The following DAB1 variants were observed in gnomAD, a reference collection of about 807,000 sequenced individuals.
DAB1 encodes the protein disabled homolog 1.
A neutral mutation model predicts 64.6 loss-of-function variants in DAB1; 15 were observed. The observed-to-expected ratio is 0.23, with a 90% CI of 0.16 to 0.36. The LOEUF is 0.36. Among genes scored for constraint, DAB1 ranks in the 10% least tolerant of loss-of-function variants. The pLI is 1.00. For missense variants in DAB1, 596 were observed against 706.7 expected (o/e 0.84, Z 1.78); for synonymous variants, 235 against 251.9 (o/e 0.93, Z 0.64).
chr1:57,157,120 G>T (rs2100868129), intron 2 of DAB1, among the ~76,000 whole-genome samples: 1 of 152,202 alleles, frequency 6.6e-6, no homozygotes, highest in South Asian at 2.1e-4. Flanking sequence ...ACCATTAATG[G>T]CCAAATAAAA....
At chr1:57,645,261 A>G (rs1362836771) in intron 7 of DAB1, among the ~76,000 whole-genome samples, 1 of 152,220 alleles carries the variant, frequency 6.6e-6, no homozygotes, top group African/African-American at 2.4e-5. Context: ...CTACCATGCT[A>G]TCCAGGAAGG....
chr1:57,391,528 T>G (rs1327529883), intron 1 of DAB1, among the ~76,000 whole-genome samples: 1 of 152,168 alleles, frequency 6.6e-6, no homozygotes, highest in Non-Finnish European at 1.5e-5. Flanking sequence ...AGCTTGAATC[T>G]CCAAGAGCAT....
At chr1:57,597,248 G>C (rs7543904) in intron 7 of DAB1, among the ~76,000 whole-genome samples, 27,966 of 152,108 alleles carry the variant, frequency 0.18, 3,383 homozygotes, top group Non-Finnish European at 0.27. Context: ...TTACAAATCT[G>C]CCATCTAATC....
intron 1 of DAB1, among the ~76,000 whole-genome samples, chr1:57,857,408 G>A (rs1441013210): frequency 1.3e-5 from 2 of 152,198 alleles, no homozygotes; most frequent in African/African-American, 4.8e-5. Context: ...AGTAAGCAGA[G>A]ATGATGGTAA....
At chr1:58,538,548 A>G (rs1646554269) in intron 1 of DAB1, among the ~76,000 whole-genome samples, 1 of 152,202 alleles carries the variant, frequency 6.6e-6, no homozygotes, top group South Asian at 2.1e-4. Flanking sequence ...AGATATTTCT[A>G]TACCATAAAT....
rs116736511 is a variant in DAB1, at chr1:57,160,643, T to C, written c.68-15214A>G. Among the ~76,000 whole-genome samples the C allele has an allele frequency of 3.5e-3, 527 of 152,220 alleles. 2 individuals carry two copies. The highest frequency in any genetic ancestry group is 0.012 in the African/African-American group (509 of 41,524). Reference sequence around the variant, plus strand: ...CATGAAATACAGCAGGAAAGCTGGATCTACAGTCAAAGGTGAAGAGGACCA... The same window carrying C: ...CATGAAATACAGCAGGAAAGCTGGACCTACAGTCAAAGGTGAAGAGGACCA... On this transcript the variant is annotated intron_variant, in intron 2 of 14. Transcript: ENST00000371236.
chr1:58,312,770 G>A (rs1662458883), intron 4 of DAB1, among the ~76,000 whole-genome samples: 1 of 152,144 alleles, frequency 6.6e-6, no homozygotes, highest in Non-Finnish European at 1.5e-5. Flanking sequence ...TCAGATCCCA[G>A]CTGTACTCAC....
In DAB1 at chr1:58,261,889, T is replaced by C. The variant is rs908811213; in HGVS notation, n.309+81463A>G. On this transcript the variant is annotated intron_variant and non_coding_transcript_variant, in intron 4 of 20. Transcript: ENST00000485760. The stretch of plus-strand genomic sequence containing the variant: ...CCAACTTGAAGAAAAGTTCCATTCC[T>C]CAGATACCCCCAGGTAGAATTTACC... 9.2e-5 allele frequency among the ~76,000 whole-genome samples: 14 copies of C among 152,242 alleles called. 1 individual carries two copies. The South Asian group carries it at 2.7e-3, about 29-fold the overall frequency.
intron 4 of DAB1, among the ~76,000 whole-genome samples, chr1:58,171,741 T>G (rs373088318): frequency 6.6e-6 from 1 of 152,218 alleles, no homozygotes; most frequent in Non-Finnish European, 1.5e-5. Flanking sequence ...GGCCACTTCT[T>G]AAGTCCAGAC....
In DAB1 at chr1:57,695,697, G is replaced by A. The variant is rs143930248; in HGVS notation, n.552-46032C>T. Among the ~76,000 whole-genome samples the A allele has an allele frequency of 9.7e-3, 1,475 of 152,152 alleles. 38 individuals carry two copies. The highest frequency in any genetic ancestry group is 0.034 in the African/African-American group (1,409 of 41,512). On this transcript the variant is annotated intron_variant and non_coding_transcript_variant, in intron 6 of 20. Coordinates refer to the DAB1 transcript ENST00000485760. ...GTGGATCACCTGAGGTCAGGAGTTCGAGACCAGCCTGAACAACATAGTGAA... is the reference window on the plus strand; with the variant it reads ...GTGGATCACCTGAGGTCAGGAGTTCAAGACCAGCCTGAACAACATAGTGAA...
intron 1 of DAB1, among the ~76,000 whole-genome samples, chr1:57,867,970 A>G (rs1654378240): frequency 6.6e-6 from 1 of 152,168 alleles, no homozygotes; most frequent in Non-Finnish European, 1.5e-5. Context: ...TGCATTTTCA[A>G]ATGCAGTAAA....
At chr1:58,354,555 C>T (rs1644091085) in intron 3 of DAB1, among the ~76,000 whole-genome samples, 1 of 152,024 alleles carries the variant, frequency 6.6e-6, no homozygotes, top group Admixed American at 6.6e-5. Context: ...AATAGATATG[C>T]AAATATTGGT....
intron 6 of DAB1, among the ~76,000 whole-genome samples, chr1:57,682,873 G>T (rs1480508962): frequency 6.6e-6 from 1 of 152,150 alleles, no homozygotes; most frequent in South Asian, 2.1e-4. Context: ...TGCAGGACTG[G>T]GATGTCTATT....
At chr1:58,465,698 T>G (rs991777262) in intron 3 of DAB1, among the ~76,000 whole-genome samples, 1 of 152,176 alleles carries the variant, frequency 6.6e-6, no homozygotes, top group African/African-American at 2.4e-5. Flanking sequence ...AAATCAAAAA[T>G]GGATCCATTA....
intron 3 of DAB1, among the ~76,000 whole-genome samples, chr1:58,348,466 T>C (rs1010696699): frequency 7.2e-5 from 11 of 152,216 alleles, no homozygotes; most frequent in African/African-American, 2.4e-4. Flanking sequence ...TTCAGTTTTC[T>C]TGATGTTGCT....
intron 2 of DAB1, among the ~76,000 whole-genome samples, chr1:57,230,543 G>A (rs745642941): frequency 6.6e-6 from 1 of 152,032 alleles, no homozygotes; most frequent in Non-Finnish European, 1.5e-5. Context: ...ACTAAAAAAA[G>A]ATTTCTGAAG....
At chr1:57,667,473 C>T (rs905266110) in intron 6 of DAB1, among the ~76,000 whole-genome samples, 1 of 152,030 alleles carries the variant, frequency 6.6e-6, no homozygotes, top group African/African-American at 2.4e-5. Context: ...CATCCCATCC[C>T]TACTATAATG....
Position 57,569,256 on chromosome 1 carries a change from C to CAAAAAA in DAB1, n.625+80330_625+80335dup, listed in dbSNP as rs3991203. On this transcript the variant is annotated intron_variant and non_coding_transcript_variant, in intron 7 of 20. Coordinates refer to the DAB1 transcript ENST00000485760. ...CCTGGGCGACAGCGAGACTCCGTCT[C>CAAAAAA]AAAAAAAAAAAAAAAAAAGACACAT... 6.0e-3 allele frequency among the ~76,000 whole-genome samples: 406 copies of CAAAAAA among 67,278 alleles called. 21 individuals are homozygous for CAAAAAA. The highest frequency in any genetic ancestry group is 0.013 in the South Asian group (15 of 1,184). The allele number at this position is 67,278 out of a possible 152,430, so 44.1% of individuals were successfully genotyped here.
chr1:57,452,303 T>C (rs779436149), intron 7 of DAB1, among the ~76,000 whole-genome samples: 1 of 151,610 alleles, frequency 6.6e-6, no homozygotes, highest in Non-Finnish European at 1.5e-5. Flanking sequence ...GGGCTTGGAA[T>C]ATTGACTCAT....
Sources: gnomAD v4.1 joint callset for allele counts (sites outside exome capture counted in the v4.1 genomes callset) on GRCh38, gnomAD v4.1.1 for gene constraint, MANE v1.5 for transcripts, NCBI Gene and HGNC (gene_info 2026-07-23, HGNC 2026-07-21) for gene names.